Variants in IGDCC3 observed in about 807,000 individuals in gnomAD.
The protein encoded by IGDCC3 is putative neuronal cell adhesion molecule.
IGDCC3 carries 47 observed loss-of-function variants against 72.0 expected under a neutral mutation model. The observed-to-expected ratio is 0.65, with a 90% CI of 0.52 to 0.83. IGDCC3 has a LOEUF of 0.83. Ranked by LOEUF, IGDCC3 falls within the 40% of genes least tolerant of loss-of-function variation. The pLI, the probability that IGDCC3 is intolerant of heterozygous loss-of-function variation, is 0.00. For synonymous variants in IGDCC3, 477 were observed against 472.8 expected (o/e 1.01, Z -0.11); for missense variants, 1,038 against 1,091.3 (o/e 0.95, Z 0.69).
intron 2 of IGDCC3, among the ~76,000 whole-genome samples, chr15:65,364,644 T>TG (rs375991400): frequency 1.4e-4 from 22 of 152,178 alleles, no homozygotes; most frequent in Admixed American, 5.2e-4. Context: ...CCCAGCACTT[T>TG]GGGAGGGTGA....
chr15:65,366,083 C>T (rs2091286830), intron 2 of IGDCC3, among the ~76,000 whole-genome samples: 1 of 151,972 alleles, frequency 6.6e-6, no homozygotes, highest in African/African-American at 2.4e-5. Flanking sequence ...TGGCAGGCGC[C>T]TGTAGTCCCA....
intron 6 of IGDCC3, 151 bp downstream of exon 6, chr15:65,333,106 C>A: frequency 1.4e-6 from 1 of 691,750 alleles, no homozygotes; most frequent in Non-Finnish European, 2.2e-6. Context: ...AACGCACCGC[C>A]TTTGGCCTGG....
intron 2 of IGDCC3, among the ~76,000 whole-genome samples, chr15:65,346,400 G>A (rs1191427106): frequency 6.6e-6 from 1 of 152,106 alleles, no homozygotes; most frequent in Admixed American, 6.5e-5. Context: ...GGGGGATTGG[G>A]AGGAAGCACT....
At position 65,334,749 on chromosome 15, in the gene IGDCC3, T is replaced by G; in HGVS notation, c.802A>C (p.Ile268Leu). ...ECVATGNPRP[I>L]VSWSRLDGRP... The stretch of plus-strand genomic sequence containing the variant: ...TCACCCAGGCGGCTCCAGGACACAA[T>G]GGGGCGCGGGTTGCCCGTGGCGACA... The change falls in exon 5 of 14, where the codon ATT (isoleucine) becomes CTT (leucine). Residue 268 changes from isoleucine to leucine, a missense_variant. Transcript: ENST00000327987. 6 of 1,586,884 alleles carry G rather than the reference T, an allele frequency of 3.8e-6. No homozygotes were observed. Among genetic ancestry groups the G allele is most frequent in the Non-Finnish European group, 5.1e-6 (6 of 1,166,718 alleles).
At chr15:65,344,384 C>T (rs1420013565) in intron 2 of IGDCC3, among the ~76,000 whole-genome samples, 1 of 152,112 alleles carries the variant, frequency 6.6e-6, no homozygotes, top group Non-Finnish European at 1.5e-5. Context: ...CCTCCCTACT[C>T]TCTCCCTCAC....
intron 9 of IGDCC3, 93 bp from the exon 10 acceptor site, chr15:65,330,834 C>T (rs565678): frequency 8.3e-7 from 1 of 1,204,560 alleles, no homozygotes; most frequent in African/African-American, 1.5e-5. Flanking sequence ...AAAAGCCTGA[C>T]AGCCCTCTGG....
At chr15:65,363,333 G>A (rs1420060349) in intron 2 of IGDCC3, among the ~76,000 whole-genome samples, 2 of 152,212 alleles carry the variant, frequency 1.3e-5, no homozygotes, top group African/African-American at 4.8e-5. Flanking sequence ...TTCAGGATGG[G>A]GATGGGAACC....
rs939516980 is a variant in IGDCC3 at position 65,330,656 on chromosome 15, C to T, written c.1647G>A (p.Gln549=). ...AAAACAGCTTGAAGCCGCCCTCGTG[C>T]TGGGCCAGCCGGGGCCAAGGCTCCC... The part of the protein sequence containing the change: ...LLWEPWPRLA[Q]HEGGFKLFYR... Residue 549 remains glutamine (Q), a synonymous_variant, in exon 10 of 14, where the codon CAG becomes CAA. Coordinates refer to ENST00000327987, the MANE Select transcript of IGDCC3 (RefSeq NM_004884.4). 1.9e-6 allele frequency: 3 copies of T among 1,613,468 alleles called. No homozygotes were observed. The highest frequency in any genetic ancestry group is 1.7e-5 in the Admixed American group (1 of 60,006).
At position 65,329,476 on chromosome 15, in the gene IGDCC3, G is replaced by C; in HGVS notation, c.2119C>G (p.Arg707Gly). The change falls in exon 13 of 14, where the codon CGA (arginine) becomes GGA (glycine). Residue 707 changes from arginine (R) to glycine (G), a missense_variant. Transcript: ENST00000327987. This position sits in a 1 kb window ranked among gnomAD's most constrained non-coding sequence, Gnocchi z 4.1. ...TTCATATCCACACGTTTCTCGTCTCGGCCCAGCTGGCCCCGCTGTCCCCGT... is the reference window on the plus strand; with the variant it reads ...TTCATATCCACACGTTTCTCGTCTCCGCCCAGCTGGCCCCGCTGTCCCCGT... The part of the protein sequence containing the change: ...ARRGQRGQLG[R>G]DEKRVDMKEL... The C allele has an allele frequency of 1.2e-6, 2 of 1,610,204 alleles. No homozygotes were observed. Among genetic ancestry groups the C allele is most frequent in the Non-Finnish European group, 1.7e-6 (2 of 1,178,846 alleles).
rs541766199 is a variant in IGDCC3 at position 65,370,925 on chromosome 15, A to G, written c.409+4172T>C. On this transcript the variant is annotated intron_variant, in intron 2 of 13. Transcript: ENST00000327987. ...CAGGCATGAGCCATCACATTCCCCCATTTTAAAGATGAAGAAGCCAAGGCT... is the reference window on the plus strand; with the variant it reads ...CAGGCATGAGCCATCACATTCCCCCGTTTTAAAGATGAAGAAGCCAAGGCT... Among the ~76,000 whole-genome samples the G allele has an allele frequency of 1.4e-4, 21 of 152,238 alleles. No individual in the cohort carries two copies. The East Asian group carries it at 2.5e-3, about 18-fold the overall frequency.
At chr15:65,340,514 CCA>C (rs2091071257) in intron 2 of IGDCC3, among the ~76,000 whole-genome samples, 1 of 152,154 alleles carries the variant, frequency 6.6e-6, no homozygotes, top group Admixed American at 6.5e-5. Flanking sequence ...CAGCTGTGAA[CCA>C]CAGACTCTTC....
intron 1 of IGDCC3, among the ~76,000 whole-genome samples, chr15:65,376,541 G>C (rs1238287938): frequency 1.3e-5 from 2 of 152,250 alleles, no homozygotes; most frequent in Non-Finnish European, 2.9e-5. Flanking sequence ...GAGGGAGATG[G>C]GGAAATGGGT....
chr15:65,363,940 G>A (rs564675963), intron 2 of IGDCC3, among the ~76,000 whole-genome samples: 1 of 152,110 alleles, frequency 6.6e-6, no homozygotes, highest in East Asian at 1.9e-4. Context: ...GCTCTTGCCC[G>A]CCTCACAGGT....
Position 65,329,203 on chromosome 15 carries a change from C to T in IGDCC3, c.2206-55G>A. On this transcript the variant is annotated intron_variant, in intron 13 of 13. Transcript: ENST00000327987. This position sits in a 1 kb window ranked among gnomAD's most constrained non-coding sequence, Gnocchi z 4.1. ...AGCTTGAGGGCCAGGGCGCCAGGCT[C>T]CAACTCACCCCACTTGGGCCTTAGG... 8.4e-6 allele frequency: 13 copies of T among 1,555,042 alleles called. No homozygotes were observed. The South Asian group carries it at 1.6e-4, about 19-fold the overall frequency.
At chr15:65,333,172 C>G (rs1419178508) in intron 6 of IGDCC3, 85 bp downstream of exon 6, 1 of 1,347,994 alleles carries the variant, frequency 7.4e-7, no homozygotes, top group South Asian at 1.5e-5. Context: ...TGGGGTGGGA[C>G]AGGGCCCTGG....
At chr15:65,357,218 T>A (rs1289339474) in intron 2 of IGDCC3, among the ~76,000 whole-genome samples, 1 of 152,170 alleles carries the variant, frequency 6.6e-6, no homozygotes, top group Admixed American at 6.5e-5. Context: ...TCCTAATCTC[T>A]TCTGATGGGC....
At chr15:65,370,558 G>A (rs11853376) in intron 2 of IGDCC3, among the ~76,000 whole-genome samples, 4 of 127,560 alleles carry the variant, frequency 3.1e-5, no homozygotes, top group African/African-American at 6.1e-5. Flanking sequence ...ATGTGTGTGT[G>A]TATATATATA....
rs188137270 is a variant in IGDCC3 at position 65,354,465 on chromosome 15, A to G, written c.410-18509T>C. ...CTCCGTCTTCCATATCCGCCAAAGG[A>G]AGCAGAATTCATTCCTAACTCTAAC... On this transcript the variant is annotated intron_variant, in intron 2 of 13. Coordinates refer to ENST00000327987, the MANE Select transcript of IGDCC3 (RefSeq NM_004884.4). 3.0e-4 allele frequency among the ~76,000 whole-genome samples: 45 copies of G among 152,174 alleles called. No individual in the cohort carries two copies. In the East Asian group the frequency reaches 7.1e-3, roughly 24 times the overall value.
Position 65,330,353 on chromosome 15 carries a change from G to C in IGDCC3, c.1798C>G (p.His600Asp). The C allele has an allele frequency of 1.2e-6, 2 of 1,614,110 alleles. No homozygotes were observed. The highest frequency in any genetic ancestry group is 2.2e-5 in the South Asian group (2 of 91,080). The change falls in exon 11 of 14, where the codon CAT becomes GAT. Residue 600 changes from histidine (H) to aspartate (D), a missense_variant. Physicochemically the swap from His to Asp is moderately conservative, Grantham distance 81. Coordinates refer to ENST00000327987, the MANE Select transcript of IGDCC3 (RefSeq NM_004884.4). ...YEVKLLAYNQ[H>D]GDGNATVRFV... Reference sequence around the variant, plus strand: ...CGGACTGTGGCATTGCCATCTCCATGCTGGTTGTAGGCGAGCAGCTTCACC... The same window carrying C: ...CGGACTGTGGCATTGCCATCTCCATCCTGGTTGTAGGCGAGCAGCTTCACC...
Sources: gnomAD v4.1 joint callset for allele counts (sites outside exome capture counted in the v4.1 genomes callset) on GRCh38, gnomAD v4.1.1 for gene constraint, Gnocchi (gnomAD v3.1) non-coding constraint, MANE v1.5 for transcripts, NCBI Gene and HGNC (gene_info 2026-07-23, HGNC 2026-07-21) for gene names.